The following CAMTA1 variants were observed in gnomAD, a reference collection of about 807,000 sequenced individuals.
The protein encoded by CAMTA1 is calmodulin binding transcription activator 1, also known as calmodulin-binding transcription activator 1.
CAMTA1 carries 27 observed loss-of-function variants against 170.9 expected under a neutral mutation model. That is an observed-to-expected ratio of 0.16 (90% CI 0.12 to 0.22). The LOEUF (loss-of-function observed/expected upper bound fraction) is 0.22. Among genes scored for constraint, CAMTA1 ranks in the 10% least tolerant of loss-of-function variants. The pLI, the probability that CAMTA1 is intolerant of heterozygous loss-of-function variation, is 1.00. For missense variants in CAMTA1, 1,619 were observed against 2,217.2 expected (o/e 0.73, Z 5.42); for synonymous variants, 833 against 891.5 (o/e 0.93, Z 1.17).
At chr1:6,884,623 G>T (rs1183680987) in intron 3 of CAMTA1, among the ~76,000 whole-genome samples, 1 of 152,052 alleles carries the variant, frequency 6.6e-6, no homozygotes, top group Non-Finnish European at 1.5e-5. Context: ...ATTAACCAAA[G>T]AATTCTTCTC....
At chr1:6,902,678 G>A (rs759990196) in intron 3 of CAMTA1, among the ~76,000 whole-genome samples, 2 of 152,250 alleles carry the variant, frequency 1.3e-5, no homozygotes, top group Non-Finnish European at 2.9e-5. Flanking sequence ...TGAACAGGTA[G>A]TTCACAAAAG....
intron 6 of CAMTA1, among the ~76,000 whole-genome samples, chr1:7,619,275 C>T (rs2095580757): frequency 6.6e-6 from 1 of 152,220 alleles, no homozygotes; most frequent in Non-Finnish European, 1.5e-5. Flanking sequence ...TGTATTCTAT[C>T]ACCTACGCGG....
chr1:6,791,102 G>A (rs1039066298), intron 1 of CAMTA1, among the ~76,000 whole-genome samples: 2 of 135,476 alleles, frequency 1.5e-5, no homozygotes, highest in African/African-American at 2.8e-5. Context: ...CTAGAATCAT[G>A]TACCCTGTCC....
At chr1:7,407,749 G>T (rs1359718552) in intron 5 of CAMTA1, among the ~76,000 whole-genome samples, 1 of 152,104 alleles carries the variant, frequency 6.6e-6, no homozygotes, top group Non-Finnish European at 1.5e-5. Flanking sequence ...GGTGCTGCTT[G>T]GTTTTAGAAG....
chr1:7,043,027 G>A lies in CAMTA1; in HGVS notation c.235-48277G>A, dbSNP rs557705000. ...GTTTCTTCACTGGCCTGGGTGTGCTGCAGTGTGCTCTGGGGCATGGACACG... is the reference window on the plus strand; with the variant it reads ...GTTTCTTCACTGGCCTGGGTGTGCTACAGTGTGCTCTGGGGCATGGACACG... On this transcript the variant is annotated intron_variant, in intron 3 of 22. Transcript: ENST00000303635. 3.1e-4 allele frequency among the ~76,000 whole-genome samples: 47 copies of A among 152,336 alleles called. 1 individual carries two copies. The South Asian group carries it at 9.5e-3, about 31-fold the overall frequency.
At chr1:7,260,880 C>T (rs968641178) in intron 5 of CAMTA1, among the ~76,000 whole-genome samples, 3 of 152,166 alleles carry the variant, frequency 2.0e-5, no homozygotes, top group African/African-American at 7.2e-5. Flanking sequence ...AGACATTTAT[C>T]ACAAAAGTGT....
chr1:7,122,032 C>T (rs1042607605), intron 4 of CAMTA1, among the ~76,000 whole-genome samples: 5 of 151,942 alleles, frequency 3.3e-5, no homozygotes, highest in Non-Finnish European at 4.4e-5. Context: ...TTGGGAATGC[C>T]GGCCTGCAGA....
At chr1:7,762,052 C>G (rs915768391) in intron 22 of CAMTA1, among the ~76,000 whole-genome samples, 2 of 152,114 alleles carry the variant, frequency 1.3e-5, no homozygotes, top group African/African-American at 4.8e-5. Context: ...ACTCAGGAGG[C>G]TAAGGCTAAG....
At chr1:7,578,875 A>T (rs1232875232) in intron 6 of CAMTA1, among the ~76,000 whole-genome samples, 2 of 152,192 alleles carry the variant, frequency 1.3e-5, no homozygotes, top group Non-Finnish European at 2.9e-5. Flanking sequence ...AAGTCCCCCA[A>T]AACTGTTGCA....
At chr1:7,527,051 C>G (rs2094440009) in intron 6 of CAMTA1, among the ~76,000 whole-genome samples, 2 of 152,208 alleles carry the variant, frequency 1.3e-5, no homozygotes, top group Admixed American at 1.3e-4. Flanking sequence ...TCTTCCTGCC[C>G]CAGGCCAGCG....
In CAMTA1 at chr1:7,734,083, G is replaced by T. The variant is rs555562684; in HGVS notation, c.3066+1484G>T. On this transcript the variant is annotated intron_variant, in intron 12 of 22. Transcript: ENST00000303635. The stretch of plus-strand genomic sequence containing the variant: ...CAGCCTCAGCCTCCCAAGTAGCTGG[G>T]ATTACAGGCATGGGCCACCACGCCT... 3.9e-5 allele frequency among the ~76,000 whole-genome samples: 6 copies of T among 152,280 alleles called. No individual in the cohort carries two copies. In the East Asian group the frequency reaches 1.2e-3, roughly 29 times the overall value.
chr1:7,369,360 G>A (rs1278297989), intron 5 of CAMTA1, among the ~76,000 whole-genome samples: 2 of 152,116 alleles, frequency 1.3e-5, no homozygotes, highest in East Asian at 3.9e-4. Context: ...AGAGTTTGAG[G>A]GGGTCATTCA....
chr1:7,407,716 G>T (rs1188279564), intron 5 of CAMTA1, among the ~76,000 whole-genome samples: 1 of 152,134 alleles, frequency 6.6e-6, no homozygotes, highest in Non-Finnish European at 1.5e-5. Flanking sequence ...CAGCCTGCAG[G>T]TCTCTGCCAG....
chr1:7,112,050 C>G (rs1302973907), intron 4 of CAMTA1, among the ~76,000 whole-genome samples: 4 of 152,126 alleles, frequency 2.6e-5, no homozygotes, highest in Admixed American at 1.3e-4. Context: ...GTATGGGTCT[C>G]TCTCTGTCCA....
intron 5 of CAMTA1, among the ~76,000 whole-genome samples, chr1:7,337,543 C>CCTCATCCAATCGCAG (rs1472835929): frequency 7.6e-6 from 1 of 131,780 alleles, no homozygotes; most frequent in Admixed American, 7.6e-5. Flanking sequence ...GGGCCGTGGG[C>CCTCATCCAATCGCAG]TGCATCCAAT....
chr1:7,289,080 G>C (rs1247073283), intron 5 of CAMTA1, among the ~76,000 whole-genome samples: 1 of 152,094 alleles, frequency 6.6e-6, no homozygotes, highest in Non-Finnish European at 1.5e-5. Flanking sequence ...GAGGAAGAGA[G>C]GGGAGGGAGG....
Position 7,704,417 on chromosome 1 carries a change from AG to A in CAMTA1, c.2914+26685del, listed in dbSNP as rs2149542001. ...GCCGCCCCATTCGCGGGCCGCGCTG[AG>A]CCGGGCGGGCGGAGCGGCGGGGACC... On this transcript the variant is annotated intron_variant, in intron 11 of 22. Transcript: ENST00000303635. 1.4e-5 allele frequency among the ~76,000 whole-genome samples: 2 copies of A among 145,440 alleles called. 1 individual carries two copies. The highest frequency in any genetic ancestry group is 4.2e-4 in the South Asian group (2 of 4,784).
Position 7,299,995 on chromosome 1 carries a change from A to G in CAMTA1, c.438+50369A>G, listed in dbSNP as rs1017949842. ...CTGTGGTCTGATTCCTTTAAGATCC[A>G]GAACAACTGCTCCCTGTACCTTAAG... On this transcript the variant is annotated intron_variant, in intron 5 of 22. Transcript: ENST00000303635. The surrounding 1 kb of genome is among the most constrained non-coding windows in gnomAD (Gnocchi z 4.7). 1.3e-5 allele frequency among the ~76,000 whole-genome samples: 2 copies of G among 152,242 alleles called. No homozygotes were observed. The highest frequency in any genetic ancestry group is 6.5e-5 in the Admixed American group (1 of 15,286).
intron 3 of CAMTA1, among the ~76,000 whole-genome samples, chr1:6,983,531 C>T (rs1213398531): frequency 2.0e-5 from 3 of 152,172 alleles, no homozygotes; most frequent in Admixed American, 2.0e-4. Flanking sequence ...CACAATTTGT[C>T]TTTATATATT....
Sources: allele counts gnomAD v4.1 joint callset (sites outside exome capture counted in the v4.1 genomes callset), GRCh38; gene constraint gnomAD v4.1.1; non-coding constraint Gnocchi (gnomAD v3.1); transcripts MANE v1.5; gene names NCBI Gene and HGNC (gene_info 2026-07-23, HGNC 2026-07-21).